The following PRKN variants were observed in gnomAD, a reference collection of about 807,000 sequenced individuals.
PRKN encodes E3 ubiquitin-protein ligase parkin.
PRKN carries 56 observed loss-of-function variants against 59.5 expected under a neutral mutation model. That is an observed-to-expected ratio of 0.94 (90% CI 0.76 to 1.18). PRKN has a LOEUF of 1.18. Ranked by LOEUF, PRKN falls within the 50% of genes most tolerant of loss-of-function variation. The probability of loss-of-function intolerance (pLI) is 0.00; values close to 1 mark genes in which losing one functional copy is unlikely to be tolerated. For synonymous variants in PRKN, 250 were observed against 222.1 expected (o/e 1.13, Z -1.12); for missense variants, 657 against 596.4 (o/e 1.10, Z -1.06).
At chr6:162,257,238 G>A (rs1448194038) in intron 3 of PRKN, among the ~76,000 whole-genome samples, 2 of 152,112 alleles carry the variant, frequency 1.3e-5, no homozygotes, top group Admixed American at 6.5e-5. Flanking sequence ...CAAGAGGCCG[G>A]GGTCAGTGGA....
intron 7 of PRKN, among the ~76,000 whole-genome samples, chr6:161,612,824 G>A (rs190836558): frequency 1.3e-5 from 2 of 152,024 alleles, no homozygotes; most frequent in East Asian, 3.9e-4. Flanking sequence ...AGATGCACAT[G>A]GTTTAATGAA....
chr6:161,858,141 T>C (rs1026160858), intron 6 of PRKN, among the ~76,000 whole-genome samples: 2 of 152,218 alleles, frequency 1.3e-5, no homozygotes, highest in African/African-American at 4.8e-5. Context: ...GCCAGGGTAG[T>C]TGATTCCTTT....
rs1208553371 is a variant in PRKN, at chr6:162,362,262, G to A, written c.171+81048C>T. Among the ~76,000 whole-genome samples, 4 of 152,130 alleles carry A rather than the reference G, an allele frequency of 2.6e-5. No individual in the cohort carries two copies. The South Asian group carries it at 6.2e-4, about 24-fold the overall frequency. ...ATCAAATCATCTCAAGAATGTTTTC[G>A]TTATTTTTCTCTACCATGTAAAATA... On this transcript the variant is annotated intron_variant, in intron 2 of 11. Transcript: ENST00000366898.
chr6:161,449,600 G>A (rs139154779), intron 9 of PRKN, among the ~76,000 whole-genome samples: 19 of 152,254 alleles, frequency 1.2e-4, no homozygotes, highest in African/African-American at 3.6e-4. Context: ...ATAAGTGCAC[G>A]TGTTGAAGAG....
At chr6:161,478,124 C>G (rs752934245) in intron 9 of PRKN, among the ~76,000 whole-genome samples, 15 of 152,126 alleles carry the variant, frequency 9.9e-5, no homozygotes, top group Non-Finnish European at 2.2e-4. Flanking sequence ...GGTTGATTTA[C>G]TCATAAATCA....
At chr6:162,341,840 G>C (rs1784192686) in intron 2 of PRKN, among the ~76,000 whole-genome samples, 2 of 151,764 alleles carry the variant, frequency 1.3e-5, no homozygotes, top group South Asian at 4.2e-4. Context: ...AACCACCATG[G>C]CATGTGTATA....
rs1049519038 is a variant in PRKN, at chr6:161,470,161, C to T, written c.1083+78693G>A. Among the ~76,000 whole-genome samples, 1 of 152,152 alleles carries T rather than the reference C, an allele frequency of 6.6e-6. No homozygotes were observed. Among genetic ancestry groups the T allele is most frequent in the East Asian group, 1.9e-4 (1 of 5,186 alleles). The stretch of plus-strand genomic sequence containing the variant: ...AAGTGAACTCTGGCTAGGGTCTAAA[C>T]CTAGACAGTCTGAGCCTTGTAACCT... On this transcript the variant is annotated intron_variant, in intron 9 of 11. Transcript: ENST00000366898. The surrounding 1 kb of genome is among the most constrained non-coding windows in gnomAD (Gnocchi z 5.1).
Position 161,887,245 on chromosome 6 carries a change from C to A in PRKN, c.734+86057G>T, listed in dbSNP as rs569492323. Among the ~76,000 whole-genome samples the A allele has an allele frequency of 7.9e-5, 12 of 152,184 alleles. No homozygotes were observed. In the South Asian group the frequency reaches 2.5e-3, roughly 32 times the overall value. Reference sequence around the variant, plus strand: ...TCTTGATTTGAGAAAAAGACTCAAGCTGAATGGTTACAGAGGTAGTACTGG... The same window carrying A: ...TCTTGATTTGAGAAAAAGACTCAAGATGAATGGTTACAGAGGTAGTACTGG... On this transcript the variant is annotated intron_variant, in intron 6 of 11. Transcript: ENST00000366898.
intron 9 of PRKN, among the ~76,000 whole-genome samples, chr6:161,437,924 G>A (rs1363234441): frequency 6.6e-6 from 1 of 152,102 alleles, no homozygotes; most frequent in Non-Finnish European, 1.5e-5. Context: ...GCAGGTTGCT[G>A]GTGACTACTT....
At chr6:161,453,768 T>G in intron 9 of PRKN, among the ~76,000 whole-genome samples, 1 of 81,764 alleles carries the variant, frequency 1.2e-5, no homozygotes, top group Admixed American at 1.7e-4. Context: ...CCTTTCCTCC[T>G]CCCCTCCCCT....
intron 3 of PRKN, among the ~76,000 whole-genome samples, chr6:162,258,160 C>T (rs1039773526): frequency 2.0e-5 from 3 of 152,164 alleles, no homozygotes; most frequent in African/African-American, 7.2e-5. Flanking sequence ...TACGGAACTC[C>T]CCACCAATAC....
chr6:161,629,789 G>T (rs949418072), intron 7 of PRKN, among the ~76,000 whole-genome samples: 1 of 152,196 alleles, frequency 6.6e-6, no homozygotes, highest in African/African-American at 2.4e-5. Context: ...TCCAGTTAAT[G>T]TGAGTGGAGC....
intron 1 of PRKN, among the ~76,000 whole-genome samples, chr6:162,564,348 A>C (rs56139936): frequency 0.23 from 33,915 of 149,910 alleles, 4,559 homozygotes; most frequent in African/African-American, 0.38. Context: ...CATCTCAAAA[A>C]AAAAAGAACA....
At position 162,359,593 on chromosome 6, in the gene PRKN, A is replaced by T. The variant is rs1029853368; in HGVS notation, c.171+83717T>A. Among the ~76,000 whole-genome samples the T allele has an allele frequency of 2.5e-4, 5 of 19,974 alleles. No individual in the cohort carries two copies. In the African/African-American group the frequency reaches 3.9e-3, roughly 16 times the overall value. 13.1% of individuals were successfully genotyped at this position (19,974 alleles called of 152,430 possible). A position where few individuals can be genotyped will look rare whatever the true frequency, so the allele number is the denominator to read the frequency against. On this transcript the variant is annotated intron_variant, in intron 2 of 11. Coordinates refer to ENST00000366898, the MANE Select transcript of PRKN (RefSeq NM_004562.3). Reference sequence around the variant, plus strand: ...TAACTAAATATACCTTTTAAAATTAAAAAAAAAAAAACATAAACATGGTTA... The same window carrying T: ...TAACTAAATATACCTTTTAAAATTATAAAAAAAAAAACATAAACATGGTTA...
chr6:162,722,422 C>A (rs1778971106), intron 1 of PRKN, among the ~76,000 whole-genome samples: 1 of 152,120 alleles, frequency 6.6e-6, no homozygotes, highest in South Asian at 2.1e-4. Flanking sequence ...CATAAATCAG[C>A]CGACTGTCAC....
intron 2 of PRKN, among the ~76,000 whole-genome samples, chr6:162,286,913 G>A (rs369013638): frequency 6.6e-6 from 1 of 152,166 alleles, no homozygotes; most frequent in African/African-American, 2.4e-5. Flanking sequence ...GGTTCATCTT[G>A]TAAAACCACG....
At chr6:161,644,670 G>A (rs6455749) in intron 7 of PRKN, among the ~76,000 whole-genome samples, 110,090 of 151,998 alleles carry the variant, frequency 0.72, 41,760 homozygotes, top group African/African-American at 0.93. Flanking sequence ...CTAAGCCAGG[G>A]AAATATAGAT....
At position 161,748,249 on chromosome 6, in the gene PRKN, T is replaced by A. The variant is rs1443037776; in HGVS notation, c.871+37523A>T. 4.6e-5 allele frequency among the ~76,000 whole-genome samples: 7 copies of A among 152,272 alleles called. No homozygotes were observed. The East Asian group carries it at 1.4e-3, about 29-fold the overall frequency. On this transcript the variant is annotated intron_variant, in intron 7 of 11. Transcript: ENST00000366898. ...CATTTAGTGATGGGCACAATGTACT[T>A]ATTCAAAAATGTCAGTAAATATAAA...
intron 9 of PRKN, among the ~76,000 whole-genome samples, chr6:161,504,345 C>T (rs1054159787): frequency 8.5e-5 from 13 of 152,152 alleles, no homozygotes; most frequent in African/African-American, 1.4e-4. Flanking sequence ...CAGGCATAGC[C>T]TTTTCCCAAC....
Sources: allele counts gnomAD v4.1 joint callset (sites outside exome capture counted in the v4.1 genomes callset), GRCh38; gene constraint gnomAD v4.1.1; non-coding constraint Gnocchi (gnomAD v3.1); transcripts MANE v1.5; gene names NCBI Gene and HGNC (gene_info 2026-07-23, HGNC 2026-07-21).